Variants in BSND observed in about 807,000 individuals in gnomAD.
BSND encodes barttin.
BSND carries 13 observed loss-of-function variants against 18.8 expected under a neutral mutation model. The ratio of observed to expected loss-of-function variants is 0.69; its 90% CI spans 0.45 to 1.10. The LOEUF is 1.10. Among genes scored for constraint, BSND ranks in the 50% least tolerant of loss-of-function variants. The pLI is 0.00. For missense variants in BSND, 379 were observed against 416.7 expected, an observed-to-expected ratio of 0.91 and a Z score of 0.79; for synonymous variants, 170 against 161.8, an observed-to-expected ratio of 1.05 and a Z score of -0.39.
Position 55,007,232 on chromosome 1 carries a change from G to GA in BSND, c.509dup (p.Ser171GlufsTer2), listed in dbSNP as rs750527043. 4 of 1,612,324 alleles carry GA rather than the reference G, an allele frequency of 2.5e-6. No individual in the cohort carries two copies. Among genetic ancestry groups the GA allele is most frequent in the Non-Finnish European group, 3.4e-6 (4 of 1,178,544 alleles). On this transcript the variant is annotated frameshift_variant, in exon 3 of 4. Transcript: ENST00000651561. LOFTEE classifies it low-confidence loss of function (END_TRUNC). Reference sequence around the variant, plus strand: ...CGTGGTCATCCACAAGGGCTCAGACGAGAGTGAAGGGGAAAGACGCCTAAC... The same window carrying GA: ...CGTGGTCATCCACAAGGGCTCAGACGAAGAGTGAAGGGGAAAGACGCCTAAC...
At chr1:55,000,460 G>T (rs1283173105) in intron 1 of BSND, among the ~76,000 whole-genome samples, 1 of 151,464 alleles carries the variant, frequency 6.6e-6, no homozygotes, top group Admixed American at 6.6e-5. Context: ...TTAGGAGGGG[G>T]GGGTGGGAAA....
At chr1:55,005,268 T>C in intron 2 of BSND, 152 bp downstream of exon 2, 1 of 699,020 alleles carries the variant, frequency 1.4e-6, no homozygotes, top group Non-Finnish European at 2.4e-6. Flanking sequence ...AACTCTCAAT[T>C]CTGTGAGTTA....
chr1:55,002,853 T>C (rs1644367751), intron 1 of BSND, among the ~76,000 whole-genome samples: 1 of 44,890 alleles, frequency 2.2e-5, no homozygotes. Flanking sequence ...GTAAAGATGG[T>C]GATTATGAGA....
chr1:55,005,176 C>T, intron 2 of BSND, 60 bp downstream of exon 2: 1 of 1,511,688 alleles, frequency 6.6e-7, no homozygotes, highest in Non-Finnish European at 9.2e-7. Context: ...TCTCCCCTGA[C>T]TGAGGAGAGT....
At position 55,007,139 on chromosome 1, in the gene BSND, C is replaced by T. The variant is rs746540356; in HGVS notation, c.415C>T (p.Pro139Ser). 1 of 1,614,136 alleles carries T rather than the reference C, an allele frequency of 6.2e-7. No homozygotes were observed. Among genetic ancestry groups the T allele is most frequent in the South Asian group, 1.1e-5 (1 of 91,080 alleles). Residue 139 changes from proline (P) to serine (S), a missense_variant, in exon 3 of 4, where the codon CCG becomes TCG. By Grantham distance (74) the Pro-to-Ser change is moderately conservative (BLOSUM62 -1). Transcript: ENST00000651561. Reference protein sequence around the residue: ...RSLLAPEMGQPKLGTSDGGEG... With the variant: ...RSLLAPEMGQSKLGTSDGGEG... Reference sequence around the variant, plus strand: ...CTTGCTGGCCCCTGAGATGGGGCAGCCGAAGCTGGGAACCAGTGATGGAGG... The same window carrying T: ...CTTGCTGGCCCCTGAGATGGGGCAGTCGAAGCTGGGAACCAGTGATGGAGG...
At chr1:55,004,875 A>T (rs1425380148) in intron 1 of BSND, 147 bp from the exon 2 acceptor site, 2 of 718,068 alleles carry the variant, frequency 2.8e-6, no homozygotes, top group Non-Finnish European at 5.0e-6. Context: ...CTGTGCCCCA[A>T]GTAGGCCCCT....
chr1:54,999,839 C>T (rs1167338235), intron 1 of BSND, among the ~76,000 whole-genome samples: 3 of 152,188 alleles, frequency 2.0e-5, no homozygotes, highest in African/African-American at 4.8e-5. Flanking sequence ...GTGACTTACA[C>T]GTCACCCTTC....
chr1:54,999,320 TGA>T lies in BSND; in HGVS notation c.135_136del (p.Ile46ArgfsTer20). On this transcript the variant is annotated frameshift_variant, in exon 1 of 4. Coordinates refer to ENST00000651561, the MANE Select transcript of BSND (RefSeq NM_057176.3). LOFTEE classifies it high-confidence loss of function. ...TTCTATGCCATGGGCAGCGTCATGG[TGA>T]TCGGGGGCATCATCTGGAGCATGTG... is the stretch of plus-strand genomic sequence containing the variant. The T allele has an allele frequency of 6.2e-7, 1 of 1,613,172 alleles. No homozygotes were observed. Among genetic ancestry groups the T allele is most frequent in the Non-Finnish European group, 8.5e-7 (1 of 1,179,330 alleles).
intron 3 of BSND, among the ~76,000 whole-genome samples, chr1:55,007,984 C>T (rs1474636121): frequency 1.3e-5 from 2 of 152,156 alleles, no homozygotes; most frequent in Non-Finnish European, 2.9e-5. Flanking sequence ...TAGTAATAGC[C>T]CTATTTCATG....
chr1:55,006,991 C>T lies in BSND; in HGVS notation c.273-6C>T, dbSNP rs2100208541. 6.2e-7 allele frequency: 1 copy of T among 1,614,006 alleles called. No individual in the cohort carries two copies. Among genetic ancestry groups the T allele is most frequent in the South Asian group, 1.1e-5 (1 of 91,072 alleles). On this transcript the variant is annotated splice_region_variant and splice_polypyrimidine_tract_variant and intron_variant, in intron 2 of 3. Transcript: ENST00000651561. ...TGCCGCCTGCCTGTTCTCTCTCCCA[C>T]TCCAGCCCCAGTCCCCAGCCGCCCT...
chr1:55,013,792 C>A lies in BSND; in HGVS notation c.*5164C>A, dbSNP rs533516954. 2.8e-4 allele frequency among the ~76,000 whole-genome samples: 43 copies of A among 152,282 alleles called. No individual in the cohort carries two copies. The highest frequency in any genetic ancestry group is 2.6e-3 in the Admixed American group (39 of 15,292). On this transcript the variant is annotated 3_prime_UTR_variant, in exon 4 of 4. Transcript: ENST00000651561. Reference sequence around the variant, plus strand: ...GCATTTGAGGCCCTTCATGATCTGGCCCCAACTGCCCCATCCAGCTGAATC... The same window carrying A: ...GCATTTGAGGCCCTTCATGATCTGGACCCAACTGCCCCATCCAGCTGAATC...
intron 2 of BSND, among the ~76,000 whole-genome samples, chr1:55,006,085 G>A (rs983355381): frequency 2.0e-5 from 3 of 152,224 alleles, no homozygotes; most frequent in African/African-American, 4.8e-5. Context: ...CCCAGAGTCT[G>A]TCGGCTGGGT....
chr1:55,007,350 G>T, intron 3 of BSND, 78 bp downstream of exon 3: 9 of 1,422,012 alleles, frequency 6.3e-6, no homozygotes, highest in Non-Finnish European at 8.5e-6. Flanking sequence ...GACCGCCGAG[G>T]GGTGGGTGGG....
chr1:55,008,315 A>G lies in BSND; in HGVS notation c.650A>G (p.Asp217Gly), dbSNP rs747263212. The G allele has an allele frequency of 3.1e-6, 5 of 1,614,112 alleles. No individual in the cohort carries two copies. The South Asian group carries it at 3.3e-5, about 11-fold the overall frequency. The change falls in exon 4 of 4, where the codon GAC (aspartate) becomes GGC (glycine). Residue 217 changes from aspartate to glycine, a missense_variant. Transcript: ENST00000651561. Reference sequence around the variant, plus strand: ...AGCAGCCCCAATGCATCTCCACATGACAGGGAGGAAGCTTGTTCCCCACAA... The same window carrying G: ...AGCAGCCCCAATGCATCTCCACATGGCAGGGAGGAAGCTTGTTCCCCACAA... ...EGSSPNASPH[D>G]REEACSPQQE... is the part of the protein sequence containing the mutation.
intron 1 of BSND, among the ~76,000 whole-genome samples, chr1:55,000,347 A>G (rs1047153414): frequency 1.3e-5 from 2 of 151,994 alleles, no homozygotes; most frequent in African/African-American, 4.8e-5. Context: ...AAAGGAGGGA[A>G]ATAGGGACTC....
intron 1 of BSND, among the ~76,000 whole-genome samples, chr1:55,000,873 G>A (rs553887918): frequency 6.6e-6 from 1 of 152,350 alleles, no homozygotes; most frequent in Non-Finnish European, 1.5e-5. Flanking sequence ...AGGGATGGCA[G>A]AGGTGTGGAG....
chr1:55,016,889 G>T lies in BSND; in HGVS notation c.*8261G>T, dbSNP rs1401539879. ...AGACTGGCTAAGACATCATGCCACA[G>T]CTATGCAAGGGACAGATACACGGCC... is the stretch of plus-strand genomic sequence containing the variant. On this transcript the variant is annotated 3_prime_UTR_variant, in exon 4 of 4. Transcript: ENST00000651561. 1.3e-5 allele frequency among the ~76,000 whole-genome samples: 2 copies of T among 152,184 alleles called. No individual in the cohort carries two copies. The highest frequency in any genetic ancestry group is 2.9e-5 in the Non-Finnish European group (2 of 68,038).
rs1466426608 is a variant in BSND, at chr1:55,012,734, C to T, written c.*4106C>T. Among the ~76,000 whole-genome samples, 1 of 152,108 alleles carries T rather than the reference C, an allele frequency of 6.6e-6. No homozygotes were observed. Among genetic ancestry groups the T allele is most frequent in the Non-Finnish European group, 1.5e-5 (1 of 68,016 alleles). On this transcript the variant is annotated 3_prime_UTR_variant, in exon 4 of 4. Transcript: ENST00000651561. The stretch of plus-strand genomic sequence containing the variant: ...GCAAGGGGTAAAGAAAGTCTGTGTG[C>T]CCAGTGCTGAGAGGCAGGTGAGCCA...
In BSND at chr1:55,005,027, C is replaced by T. The variant is rs377452238; in HGVS notation, c.183C>T (p.Thr61=). ...WSMCQCYPKI[T]FVPADSDFQG... ...TGTCTCTCCTTTGCTTGCAGATCAC[C>T]TTCGTCCCTGCTGACTCTGACTTTC... is the stretch of plus-strand genomic sequence containing the variant. The change falls in exon 2 of 4, where the codon ACC becomes ACT. Residue 61 remains threonine (T), a synonymous_variant. Coordinates refer to ENST00000651561, the MANE Select transcript of BSND (RefSeq NM_057176.3). 75 of 1,614,220 alleles carry T rather than the reference C, an allele frequency of 4.6e-5. No homozygotes were observed. Among genetic ancestry groups the T allele is most frequent in the Admixed American group, 2.3e-4 (14 of 60,032 alleles).
Sources: allele counts gnomAD v4.1 joint callset (sites outside exome capture counted in the v4.1 genomes callset), GRCh38; gene constraint gnomAD v4.1.1; transcripts MANE v1.5; gene names NCBI Gene and HGNC (gene_info 2026-07-23, HGNC 2026-07-21).